Variants in SORBS2 observed in about 807,000 individuals in gnomAD.
SORBS2 encodes the protein sorbin and SH3 domain-containing protein 2.
Under a neutral mutation model 97.7 loss-of-function variants are expected in SORBS2, and 46 were observed. The ratio of observed to expected loss-of-function variants is 0.47; its 90% CI spans 0.37 to 0.60. SORBS2 has a LOEUF of 0.60. SORBS2 is among the 20% of genes least tolerant of loss of function. The pLI, the probability that SORBS2 is intolerant of heterozygous loss-of-function variation, is 0.00. For missense variants in SORBS2, 1,316 were observed against 1,282.3 expected, an observed-to-expected ratio of 1.03 and a Z score of -0.40; for synonymous variants, 476 against 473.4, an observed-to-expected ratio of 1.01 and a Z score of -0.07.
In SORBS2 at chr4:185,652,710, C is replaced by G. The variant is rs1415028076; in HGVS notation, c.43G>C (p.Asp15His). 2 of 1,614,120 alleles carry G rather than the reference C, an allele frequency of 1.2e-6. No homozygotes were observed. The highest frequency in any genetic ancestry group is 3.3e-5 in the Admixed American group (2 of 60,018). The stretch of plus-strand genomic sequence containing the variant: ...TGCTTAAACATCGTCTTGTACCAGT[C>G]CTTGGGCCGGTCGACTGTCTGTAAT... The change falls in exon 2 of 15, where the codon GAC (aspartate) becomes CAC (histidine). Residue 15 changes from aspartate to histidine, a missense_variant. Asp to His is a moderately conservative substitution (Grantham distance 81). Coordinates refer to ENST00000418609, the Ensembl canonical transcript of SORBS2.
chr4:185,884,554 T>C lies in SORBS2; in HGVS notation c.-338+71642A>G, dbSNP rs111238401. On this transcript the variant is annotated intron_variant, in intron 1 of 20. Transcript: ENST00000284776. ...GAACAAAAGAAATCCGGAATGGCAATGAGGGCCCAGCAGAGCTGAGTAGAG... is the reference window on the plus strand; with the variant it reads ...GAACAAAAGAAATCCGGAATGGCAACGAGGGCCCAGCAGAGCTGAGTAGAG... 7.3e-4 allele frequency among the ~76,000 whole-genome samples: 111 copies of C among 152,314 alleles called. 1 individual carries two copies. The highest frequency in any genetic ancestry group is 2.5e-3 in the African/African-American group (103 of 41,564).
chr4:185,832,787 G>A (rs796188345), intron 1 of SORBS2, among the ~76,000 whole-genome samples: 8 of 152,270 alleles, frequency 5.3e-5, no homozygotes, highest in African/African-American at 1.9e-4. Context: ...GTGGAAAAAA[G>A]TGTATATGTA....
chr4:185,771,323 G>A (rs898286556), intron 2 of SORBS2: 4 of 152,132 alleles, frequency 2.6e-5, no homozygotes, highest in African/African-American at 9.7e-5. Flanking sequence ...TGTTATGGAT[G>A]ATGAATGTCT....
chr4:185,953,127 C>T (rs10866287), intron 1 of SORBS2, among the ~76,000 whole-genome samples: 23,654 of 152,160 alleles, frequency 0.16, 2,469 homozygotes, highest in East Asian at 0.58. Flanking sequence ...CCAGCCTGGC[C>T]AACATAGTGA....
chr4:185,757,204 T>A (rs1304842862), intron 2 of SORBS2: 1 of 338,008 alleles, frequency 3.0e-6, no homozygotes, highest in Non-Finnish European at 5.6e-6. Context: ...CAGTGGCTTT[T>A]ATTCTGACAT....
intron 4 of SORBS2, among the ~76,000 whole-genome samples, chr4:185,666,578 A>G (rs1199775001): frequency 6.6e-6 from 1 of 152,224 alleles, no homozygotes; most frequent in Non-Finnish European, 1.5e-5. Flanking sequence ...AGAAAAATCT[A>G]ATAGCATAAT....
chr4:185,827,306 T>C (rs796434314), intron 1 of SORBS2, among the ~76,000 whole-genome samples: 8 of 64,442 alleles, frequency 1.2e-4, no homozygotes, highest in South Asian at 6.1e-4. Context: ...ATCATCACCA[T>C]CATCACCATC....
intron 1 of SORBS2, among the ~76,000 whole-genome samples, chr4:185,865,322 G>C (rs2099226272): frequency 1.3e-5 from 2 of 152,164 alleles, no homozygotes; most frequent in South Asian, 4.1e-4. Flanking sequence ...ACTCCACTGT[G>C]GCTGCTGCAT....
At chr4:185,787,014 A>G (rs2153640971) in intron 1 of SORBS2, among the ~76,000 whole-genome samples, 1 of 141,958 alleles carries the variant, frequency 7.0e-6, no homozygotes, top group Non-Finnish European at 1.5e-5. Flanking sequence ...AACCCCATCT[A>G]CCTCTCTGGG....
intron 1 of SORBS2, among the ~76,000 whole-genome samples, chr4:185,800,535 T>A (rs144043760): frequency 0.011 from 1,600 of 152,232 alleles, 29 homozygotes; most frequent in African/African-American, 0.037. Flanking sequence ...TCCCTGGGCC[T>A]ATCTCTTTGC....
chr4:185,638,792 T>C, intron 4 of SORBS2, 85 bp downstream of exon 14: 1 of 1,263,004 alleles, frequency 7.9e-7, no homozygotes, highest in South Asian at 2.0e-5. Context: ...CCCGGGGGAG[T>C]GGGAGTCGCC....
At chr4:185,939,651 C>T (rs549875650) in intron 1 of SORBS2, among the ~76,000 whole-genome samples, 32 of 152,310 alleles carry the variant, frequency 2.1e-4, no homozygotes, top group African/African-American at 7.2e-4. Context: ...GCTGGGATTA[C>T]AGGCACGTGC....
chr4:185,929,025 C>T (rs957737826), intron 1 of SORBS2, among the ~76,000 whole-genome samples: 11 of 152,300 alleles, frequency 7.2e-5, no homozygotes, highest in African/African-American at 1.7e-4. Flanking sequence ...ATTCAGGCCA[C>T]GAGTTTGCAA....
intron 1 of SORBS2, among the ~76,000 whole-genome samples, chr4:185,817,244 C>A (rs112215327): frequency 6.6e-6 from 1 of 151,908 alleles, no homozygotes; most frequent in Admixed American, 6.6e-5. Context: ...CACAATTAAC[C>A]CCCTCCCACA....
At chr4:185,756,365 G>A (rs10024805) in intron 2 of SORBS2, among the ~76,000 whole-genome samples, 2 of 147,142 alleles carry the variant, frequency 1.4e-5, no homozygotes, top group Admixed American at 6.8e-5. Flanking sequence ...TTCCAAACAC[G>A]AAGGCAGTCA....
At chr4:185,729,569 A>G (rs1295085228) in intron 2 of SORBS2, among the ~76,000 whole-genome samples, 1 of 152,208 alleles carries the variant, frequency 6.6e-6, no homozygotes, top group East Asian at 1.9e-4. Context: ...GTTCCAGAAA[A>G]TCATCCAGTC....
At chr4:185,710,594 G>A (rs945939989) in intron 2 of SORBS2, among the ~76,000 whole-genome samples, 2 of 152,146 alleles carry the variant, frequency 1.3e-5, no homozygotes, top group African/African-American at 4.8e-5. Flanking sequence ...CTGACTGTTT[G>A]TGTTATGGTC....
chr4:185,767,560 A>C (rs2098943853), intron 2 of SORBS2, among the ~76,000 whole-genome samples: 1 of 151,996 alleles, frequency 6.6e-6, no homozygotes, highest in African/African-American at 2.4e-5. Context: ...GTGAAATAAT[A>C]AAAACACAAC....
chr4:185,903,038 G>A (rs2099248569), intron 1 of SORBS2, among the ~76,000 whole-genome samples: 1 of 152,224 alleles, frequency 6.6e-6, no homozygotes, highest in Non-Finnish European at 1.5e-5. Context: ...ATGGGGTGCT[G>A]TGAGTATTAA....
Sources: gnomAD v4.1 joint callset for allele counts (sites outside exome capture counted in the v4.1 genomes callset) on GRCh38, gnomAD v4.1.1 for gene constraint, MANE v1.5 for transcripts, NCBI Gene and HGNC (gene_info 2026-07-23, HGNC 2026-07-21) for gene names.